Variants in NBEA observed in about 807,000 individuals in gnomAD.
NBEA encodes the protein neurobeachin.
In NBEA, 44 loss-of-function variants were observed where a neutral mutation model predicts 343.4. The ratio of observed to expected loss-of-function variants is 0.13; its 90% CI spans 0.10 to 0.16. The LOEUF is 0.16. Among genes scored for constraint, NBEA ranks in the 10% least tolerant of loss-of-function variants. NBEA has a pLI of 1.00. For missense variants in NBEA, 2,555 were observed against 3,631.3 expected (o/e 0.70, Z 7.62); for synonymous variants, 1,175 against 1,238.7 (o/e 0.95, Z 1.08).
intron 13 of NBEA, among the ~76,000 whole-genome samples, chr13:35,117,165 A>T (rs1242521610): frequency 6.6e-6 from 1 of 151,956 alleles, no homozygotes; most frequent in African/African-American, 2.4e-5. Flanking sequence ...ATATTAATAT[A>T]TAACAACTTT....
intron 31 of NBEA, among the ~76,000 whole-genome samples, chr13:35,197,077 A>G (rs924700831): frequency 2.0e-5 from 3 of 152,186 alleles, no homozygotes; most frequent in Non-Finnish European, 2.9e-5. Context: ...GTCATCTAAT[A>G]TCTTCCACTA....
At chr13:35,108,487 A>T (rs1445413439) in intron 11 of NBEA, among the ~76,000 whole-genome samples, 2 of 152,088 alleles carry the variant, frequency 1.3e-5, no homozygotes, top group Non-Finnish European at 2.9e-5. Flanking sequence ...TTAATAACGT[A>T]TTTAGCCTAG....
At chr13:35,641,318 A>G (rs1331947848) in intron 49 of NBEA, among the ~76,000 whole-genome samples, 1 of 152,186 alleles carries the variant, frequency 6.6e-6, no homozygotes, top group Non-Finnish European at 1.5e-5. Flanking sequence ...CACCAATCCC[A>G]TATCTAGGTA....
chr13:35,519,284 C>CA (rs943676049), intron 41 of NBEA, among the ~76,000 whole-genome samples: 4 of 152,138 alleles, frequency 2.6e-5, no homozygotes, highest in Admixed American at 6.5e-5. Context: ...CATACTCATA[C>CA]AAAAAAATGA....
chr13:35,227,903 C>T (rs1052729112), intron 33 of NBEA, among the ~76,000 whole-genome samples: 4 of 151,072 alleles, frequency 2.6e-5, no homozygotes, highest in African/African-American at 7.3e-5. Context: ...GAAAAGATCA[C>T]TTTGTTATGA....
chr13:35,520,216 G>A (rs2077645716), intron 41 of NBEA, among the ~76,000 whole-genome samples: 1 of 152,204 alleles, frequency 6.6e-6, no homozygotes, highest in Non-Finnish European at 1.5e-5. Flanking sequence ...CCATGGCCTG[G>A]AGGTTGGGGA....
At position 35,118,421 on chromosome 13, in the gene NBEA, G is replaced by A. The variant is rs2066616335; in HGVS notation, c.2190G>A (p.Met730Ile). The A allele has an allele frequency of 1.9e-6, 3 of 1,607,304 alleles. No homozygotes were observed. The highest frequency in any genetic ancestry group is 2.2e-5 in the East Asian group (1 of 44,658). ...TGCTACAGTTACTGGTGGCTTTAAT[G>A]TCGGAACACCCAGCCTCAATGATAC... ...HDVLQLLVALMSEHPASMIPA... is the reference protein window; with the variant it reads ...HDVLQLLVALISEHPASMIPA... The change falls in exon 16 of 59, where the codon ATG becomes ATA. Residue 730 changes from methionine (M) to isoleucine (I), a missense_variant. This residue lies in a region of NBEA where 360 missense variants were observed against 519.1 expected (regional missense o/e 0.69). Transcript: ENST00000379939.
chr13:35,020,149 T>C (rs180803149), intron 1 of NBEA, among the ~76,000 whole-genome samples: 1 of 152,262 alleles, frequency 6.6e-6, no homozygotes, highest in Non-Finnish European at 1.5e-5. Context: ...TTTAATGTTA[T>C]ACATTTCTCT....
In NBEA at chr13:35,555,485, C is replaced by T. The variant is rs967819296; in HGVS notation, c.6922+383C>T. On this transcript the variant is annotated intron_variant, in intron 44 of 58. Coordinates refer to ENST00000379939, the MANE Select transcript of NBEA (RefSeq NM_001385012.1). ...ACAGGATTCTGCCTAGTACAGATGT[C>T]ACCTGGAATATGGCATGATTAGGTT... Among the ~76,000 whole-genome samples the T allele has an allele frequency of 3.9e-5, 6 of 152,092 alleles. No individual in the cohort carries two copies. The South Asian group carries it at 1.2e-3, about 32-fold the overall frequency.
At chr13:35,476,469 G>A in intron 41 of NBEA, 1 of 795,176 alleles carries the variant, frequency 1.3e-6, no homozygotes, top group Non-Finnish European at 2.1e-6. Flanking sequence ...GAACCGCATG[G>A]AGAGATCACC....
chr13:35,208,781 G>A lies in NBEA; in HGVS notation c.5448G>A (p.Gly1816=). 1 of 1,610,788 alleles carries A rather than the reference G, an allele frequency of 6.2e-7. No homozygotes were observed. Among genetic ancestry groups the A allele is most frequent in the Non-Finnish European group, 8.5e-7 (1 of 1,178,074 alleles). Residue 1816 remains glycine, a synonymous_variant, in exon 32 of 59, where the codon GGG becomes GGA. Coordinates refer to ENST00000379939, the MANE Select transcript of NBEA (RefSeq NM_001385012.1). The part of the protein sequence containing the change: ...TTVGATTAGS[G]LPTGSTSNIF... ...TGGGAGCCACTACTGCTGGAAGTGG[G>A]CTGCCAACAGGCAGTACCTCTAATA...
chr13:35,378,244 T>C (rs548588609), intron 38 of NBEA, among the ~76,000 whole-genome samples: 7 of 152,342 alleles, frequency 4.6e-5, no homozygotes, highest in African/African-American at 1.7e-4. Context: ...CCCAGCTGGC[T>C]GGCCTGGCCT....
chr13:35,273,308 G>A (rs2034314265), intron 34 of NBEA, among the ~76,000 whole-genome samples: 1 of 152,122 alleles, frequency 6.6e-6, no homozygotes, highest in Admixed American at 6.6e-5. Flanking sequence ...AAACCAATGA[G>A]AACAAAGACT....
At chr13:35,300,196 C>T (rs879586434) in intron 35 of NBEA, among the ~76,000 whole-genome samples, 2 of 152,004 alleles carry the variant, frequency 1.3e-5, no homozygotes, top group Non-Finnish European at 2.9e-5. Context: ...TAGTGGTGCA[C>T]GCCTGTAGTC....
intron 33 of NBEA, among the ~76,000 whole-genome samples, chr13:35,218,845 C>A (rs2074210693): frequency 6.6e-6 from 1 of 151,808 alleles, no homozygotes; most frequent in Admixed American, 6.6e-5. Flanking sequence ...TGTAAGAAAT[C>A]CAATTTCATT....
At chr13:35,445,305 TG>T (rs780162712) in intron 39 of NBEA, among the ~76,000 whole-genome samples, 13 of 152,276 alleles carry the variant, frequency 8.5e-5, no homozygotes, top group East Asian at 3.9e-4. Context: ...TTTATCCTCT[TG>T]TTTTATTTAT....
At chr13:35,304,931 T>C (rs1460114714) in intron 35 of NBEA, among the ~76,000 whole-genome samples, 1 of 152,112 alleles carries the variant, frequency 6.6e-6, no homozygotes, top group African/African-American at 2.4e-5. Context: ...ATGTTCTTGG[T>C]TTTTCAATTT....
At chr13:35,050,154 A>G in intron 5 of NBEA, 115 bp from the exon 6 acceptor site, 1 of 805,886 alleles carries the variant, frequency 1.2e-6, no homozygotes, top group Non-Finnish European at 1.8e-6. Context: ...CACATATTAA[A>G]CTGCTTCTAC....
chr13:35,610,063 G>A (rs767605328), intron 48 of NBEA, among the ~76,000 whole-genome samples: 1 of 152,164 alleles, frequency 6.6e-6, no homozygotes, highest in Non-Finnish European at 1.5e-5. Context: ...AAAATAATTT[G>A]TTTGCTATAG....
Sources: allele counts gnomAD v4.1 joint callset (sites outside exome capture counted in the v4.1 genomes callset), GRCh38; gene constraint gnomAD v4.1.1; regional missense constraint gnomAD v4.1.1; transcripts MANE v1.5; gene names NCBI Gene and HGNC (gene_info 2026-07-23, HGNC 2026-07-21).